Variants in GSDMB observed in about 807,000 individuals in gnomAD.
The protein encoded by GSDMB is gasdermin-B.
In GSDMB, 32 loss-of-function variants were observed where a neutral mutation model predicts 42.9. That is an observed-to-expected ratio of 0.75 (90% CI 0.56 to 1.00). The LOEUF (loss-of-function observed/expected upper bound fraction) is 1.00. Among genes scored for constraint, GSDMB ranks in the 50% least tolerant of loss-of-function variants. The pLI is 0.00. For missense variants in GSDMB, 468 were observed against 498.5 expected (o/e 0.94, Z 0.58); for synonymous variants, 175 against 193.7 (o/e 0.90, Z 0.80).
rs769042428 is a variant in GSDMB at position 39,904,870 on chromosome 17, T to C, written c.1193A>G (p.Tyr398Cys). 2 of 1,613,734 alleles carry C rather than the reference T, an allele frequency of 1.2e-6. No individual in the cohort carries two copies. The highest frequency in any genetic ancestry group is 2.2e-5 in the East Asian group (1 of 44,876). Residue 398 changes from tyrosine to cysteine, a missense_variant, in exon 11 of 11, where the codon TAT becomes TGT. By Grantham distance (194) the Tyr-to-Cys change is radical (BLOSUM62 -2). Transcript: ENST00000418519. ...DPEARILCAL[Y>C]VVVSILLELA... Reference sequence around the variant, plus strand: ...CTCCAGCAGGATAGAGACAACAACATACAGCGCACAGAGAATTCGTGCCTC... The same window carrying C: ...CTCCAGCAGGATAGAGACAACAACACACAGCGCACAGAGAATTCGTGCCTC...
Position 39,906,112 on chromosome 17 carries a change from CTT to C in GSDMB, c.885_886del (p.Arg296SerfsTer3). 2 of 1,614,192 alleles carry C rather than the reference CTT, an allele frequency of 1.2e-6. No individual in the cohort carries two copies. The highest frequency in any genetic ancestry group is 2.2e-5 in the South Asian group (2 of 91,084). On this transcript the variant is annotated frameshift_variant and splice_region_variant, in exon 8 of 11. Coordinates refer to ENST00000418519, the MANE Select transcript of GSDMB (RefSeq NM_001165958.2). LOFTEE classifies it high-confidence loss of function. ...CAAGGCTTTCTTAGGGTCCCTTACT[CTT>C]TGCTCTAGATCCTGCCGAATATCCT... is the stretch of plus-strand genomic sequence containing the variant.
At chr17:39,914,460 G>A (rs1302322096) in intron 2 of GSDMB, among the ~76,000 whole-genome samples, 2 of 152,150 alleles carry the variant, frequency 1.3e-5, no homozygotes, top group Admixed American at 6.5e-5. Flanking sequence ...AGGACACTAG[G>A]TCAAAACTAA....
Position 39,907,138 on chromosome 17 carries a change from T to C in GSDMB, c.701-151A>G, listed in dbSNP as rs565927898. On this transcript the variant is annotated intron_variant, in intron 6 of 10. Coordinates refer to ENST00000418519, the MANE Select transcript of GSDMB (RefSeq NM_001165958.2). ...CTGCATCCTCACCAGCGTGTGTCAA[T>C]GGGAAAGCACTGTATTTGCAGACCC... 1,419 of 1,480,638 alleles carry C rather than the reference T, an allele frequency of 9.6e-4. 2 individuals carry two copies. The highest frequency in any genetic ancestry group is 3.9e-3 in the Middle Eastern group (20 of 5,166). 91.7% of individuals were successfully genotyped at this position (1,480,638 alleles called of 1,614,324 possible).
chr17:39,909,939 G>C lies in GSDMB; in HGVS notation c.408-15C>G. On this transcript the variant is annotated splice_polypyrimidine_tract_variant and intron_variant, in intron 3 of 10. Coordinates refer to ENST00000418519, the MANE Select transcript of GSDMB (RefSeq NM_001165958.2). ...TCTTCAGCTTCCTGGAGAGAGTGGA[G>C]AGAGATGAGAGTTAAGGATCTCAGG... The C allele has an allele frequency of 6.2e-7, 1 of 1,604,778 alleles. No homozygotes were observed. The highest frequency in any genetic ancestry group is 8.5e-7 in the Non-Finnish European group (1 of 1,172,268).
intron 2 of GSDMB, among the ~76,000 whole-genome samples, chr17:39,916,413 G>T (rs567585786): frequency 7.3e-5 from 11 of 151,180 alleles, no homozygotes; most frequent in Non-Finnish European, 1.6e-4. Flanking sequence ...CTCCTGAGTA[G>T]CCAGGACTAC....
At chr17:39,905,131 G>T in intron 10 of GSDMB, 167 bp from the exon 11 acceptor site, 1 of 642,466 alleles carries the variant, frequency 1.6e-6, no homozygotes, top group Admixed American at 2.8e-5. Flanking sequence ...CAACATAGTG[G>T]CAGGCTCTGC....
At chr17:39,917,385 T>C in intron 1 of GSDMB, 55 bp from the exon 2 acceptor site, 1 of 1,058,462 alleles carries the variant, frequency 9.4e-7, no homozygotes, top group East Asian at 2.4e-5. Flanking sequence ...GTTCAAGTAT[T>C]TAAATCTTCC....
intron 4 of GSDMB, chr17:39,909,474 A>C (rs2063567046): frequency 2.4e-6 from 1 of 412,880 alleles, no homozygotes; most frequent in Admixed American, 3.9e-5. Context: ...AGGTGGGTGG[A>C]TTGCTTGAGC....
intron 2 of GSDMB, among the ~76,000 whole-genome samples, chr17:39,915,345 G>C (rs563868212): frequency 6.6e-6 from 1 of 152,192 alleles, no homozygotes; most frequent in African/African-American, 2.4e-5. Flanking sequence ...AGCAGACCAA[G>C]CTAAAAATCA....
rs181597740 is a variant in GSDMB, at chr17:39,913,854, C to T, written c.236-1357G>A. On this transcript the variant is annotated intron_variant, in intron 2 of 10. Coordinates refer to ENST00000418519, the MANE Select transcript of GSDMB (RefSeq NM_001165958.2). Reference sequence around the variant, plus strand: ...GGAACCTACAGGGGAGGGAGAGCTCCCACTGCTAGGTTTTGGAGGCAGGGC... The same window carrying T: ...GGAACCTACAGGGGAGGGAGAGCTCTCACTGCTAGGTTTTGGAGGCAGGGC... Among the ~76,000 whole-genome samples the T allele has an allele frequency of 1.6e-3, 243 of 152,244 alleles. 1 individual carries two copies. Among genetic ancestry groups the T allele is most frequent in the Middle Eastern group, 6.8e-3 (2 of 294 alleles).
chr17:39,904,669 G>T lies in GSDMB; in HGVS notation c.*143C>A. On this transcript the variant is annotated 3_prime_UTR_variant, in exon 11 of 11. Coordinates refer to ENST00000418519, the MANE Select transcript of GSDMB (RefSeq NM_001165958.2). ...CAGGCTGGTTTTGGATGTTAACATGGAGCGAATGGGATACATCAAAGAATG... is the reference window on the plus strand; with the variant it reads ...CAGGCTGGTTTTGGATGTTAACATGTAGCGAATGGGATACATCAAAGAATG... The T allele has an allele frequency of 1.6e-6, 1 of 635,866 alleles. No individual in the cohort carries two copies. 39.4% of individuals were successfully genotyped at this position (635,866 alleles called of 1,614,324 possible). A position where few individuals can be genotyped will look rare whatever the true frequency, so the allele number is the denominator to read the frequency against.
At chr17:39,912,149 A>G (rs144967520) in intron 3 of GSDMB, among the ~76,000 whole-genome samples, 177 bp downstream of exon 3, 2 of 152,228 alleles carry the variant, frequency 1.3e-5, no homozygotes, top group East Asian at 1.9e-4. Flanking sequence ...GAATCCTGGA[A>G]GTAGAGAGCG....
chr17:39,908,134 C>T (rs767621446), intron 6 of GSDMB, 42 bp downstream of exon 6: 1 of 1,143,672 alleles, frequency 8.7e-7, no homozygotes, highest in Non-Finnish European at 1.3e-6. Flanking sequence ...GTGTCTTTGC[C>T]CATTCTGAAA....
intron 2 of GSDMB, among the ~76,000 whole-genome samples, chr17:39,916,091 T>G (rs746558162): frequency 1.1e-4 from 17 of 152,130 alleles, no homozygotes; most frequent in Non-Finnish European, 1.6e-4. Context: ...TTGGAATAAT[T>G]GACTCTTCCA....
At chr17:39,909,087 A>C (rs372694895) in intron 4 of GSDMB, 45 bp from the exon 5 acceptor site, 10 of 1,122,142 alleles carry the variant, frequency 8.9e-6, no homozygotes, top group Non-Finnish European at 1.2e-5. Context: ...GTGTTTCTAC[A>C]TCATTATCTT....
At chr17:39,905,265 C>A in intron 10 of GSDMB, 161 bp downstream of exon 10, 3 of 624,040 alleles carry the variant, frequency 4.8e-6, no homozygotes, top group Non-Finnish European at 8.5e-6. Context: ...ATTGTTCTGG[C>A]AACTCTCTGT....
At chr17:39,910,645 C>A (rs1367003370) in intron 3 of GSDMB, among the ~76,000 whole-genome samples, 1 of 152,214 alleles carries the variant, frequency 6.6e-6, no homozygotes, top group Admixed American at 6.5e-5. Flanking sequence ...GCTCCAGCTC[C>A]TTGCGCTGGT....
chr17:39,912,262 G>T (rs560409513), intron 3 of GSDMB, 64 bp downstream of exon 3: 2 of 1,204,368 alleles, frequency 1.7e-6, no homozygotes, highest in East Asian at 4.8e-5. Context: ...TGCCACCCTT[G>T]AATCCCTTGG....
At chr17:39,908,591 G>A (rs1024492240) in intron 5 of GSDMB, among the ~76,000 whole-genome samples, 2 of 152,096 alleles carry the variant, frequency 1.3e-5, no homozygotes, top group Non-Finnish European at 1.5e-5. Flanking sequence ...TGTTGGCTAG[G>A]CTGGTCTCGA....
Sources: allele counts gnomAD v4.1 joint callset (sites outside exome capture counted in the v4.1 genomes callset), GRCh38; gene constraint gnomAD v4.1.1; transcripts MANE v1.5; gene names NCBI Gene and HGNC (gene_info 2026-07-23, HGNC 2026-07-21).